Variants in LTBP1 observed in about 807,000 individuals in gnomAD.
LTBP1 encodes the protein latent transforming growth factor beta binding protein 1.
Under a neutral mutation model 207.6 loss-of-function variants are expected in LTBP1, and 129 were observed. The observed-to-expected ratio is 0.62, with a 90% CI of 0.54 to 0.72. LTBP1 has a LOEUF of 0.72. Among genes scored for constraint, LTBP1 ranks in the 30% least tolerant of loss-of-function variants. The pLI is 0.00. For missense variants in LTBP1, 2,281 were observed against 2,217.2 expected, an observed-to-expected ratio of 1.03 and a Z score of -0.58; for synonymous variants, 963 against 833.7, an observed-to-expected ratio of 1.16 and a Z score of -2.67.
chr2:33,235,038 A>G (rs1367138552), intron 9 of LTBP1, among the ~76,000 whole-genome samples: 2 of 152,240 alleles, frequency 1.3e-5, no homozygotes, highest in South Asian at 2.1e-4. Flanking sequence ...AAAAAAGCCA[A>G]AATTGACCAA....
chr2:33,395,288 C>G (rs1394911506), intron 32 of LTBP1, among the ~76,000 whole-genome samples: 1 of 152,112 alleles, frequency 6.6e-6, no homozygotes, highest in Non-Finnish European at 1.5e-5. Flanking sequence ...GATTCAAATC[C>G]CATGGTTCAT....
intron 7 of LTBP1, among the ~76,000 whole-genome samples, chr2:33,198,796 T>A (rs1164686308): frequency 6.6e-6 from 1 of 152,184 alleles, no homozygotes; most frequent in East Asian, 1.9e-4. Flanking sequence ...TCTTTTCTTC[T>A]TTATTAGTCT....
chr2:33,103,632 T>TGTG lies in LTBP1; in HGVS notation c.864-6950_864-6949insGTG, dbSNP rs200334066. On this transcript the variant is annotated intron_variant, in intron 3 of 33. Coordinates refer to ENST00000404816, the MANE Select transcript of LTBP1 (RefSeq NM_206943.4). ...GTGTGTGTGTGTGTGTGTGTGAGTG[T>TGTG]TATGCTGCCATGTGGCATCTTCCTA... 2.1e-4 allele frequency among the ~76,000 whole-genome samples: 32 copies of TGTG among 149,462 alleles called. 1 individual carries two copies. The highest frequency in any genetic ancestry group is 6.4e-4 in the South Asian group (3 of 4,716).
intron 27 of LTBP1, among the ~76,000 whole-genome samples, chr2:33,361,118 AATTG>A (rs1286489225): frequency 6.6e-6 from 1 of 152,220 alleles, no homozygotes; most frequent in Non-Finnish European, 1.5e-5. Flanking sequence ...GATTTCGTGT[AATTG>A]ATTCTTACTA....
At chr2:33,172,148 C>A (rs1330711760) in intron 5 of LTBP1, among the ~76,000 whole-genome samples, 1 of 152,162 alleles carries the variant, frequency 6.6e-6, no homozygotes, top group East Asian at 1.9e-4. Context: ...ATCAAATTCA[C>A]ACATAACAAT....
At chr2:33,313,388 A>C (rs2094214916) in intron 23 of LTBP1, among the ~76,000 whole-genome samples, 1 of 152,240 alleles carries the variant, frequency 6.6e-6, no homozygotes, top group Non-Finnish European at 1.5e-5. Flanking sequence ...AAGATCAACA[A>C]GTCAAAAAGA....
At chr2:33,306,978 C>T (rs535736312) in intron 22 of LTBP1, among the ~76,000 whole-genome samples, 23 of 152,250 alleles carry the variant, frequency 1.5e-4, no homozygotes, top group African/African-American at 5.3e-4. Context: ...GTCCCAGCTA[C>T]TTGGGAGGCT....
intron 9 of LTBP1, among the ~76,000 whole-genome samples, chr2:33,230,061 A>G (rs75801955): frequency 9.8e-5 from 15 of 152,332 alleles, no homozygotes; most frequent in Non-Finnish European, 1.8e-4. Context: ...CTCACATTAC[A>G]TATGTACATT....
At chr2:33,199,730 C>T (rs1280590249) in intron 7 of LTBP1, among the ~76,000 whole-genome samples, 31 of 152,220 alleles carry the variant, frequency 2.0e-4, no homozygotes, top group East Asian at 7.7e-4. Context: ...AAAACCCCAT[C>T]GTCTCAGCCC....
intron 2 of LTBP1, among the ~76,000 whole-genome samples, chr2:32,967,414 T>C: frequency 6.6e-6 from 1 of 152,168 alleles, no homozygotes. Context: ...GCTTAGATTA[T>C]TAATTTTAGA....
intron 4 of LTBP1, among the ~76,000 whole-genome samples, chr2:33,118,631 C>T (rs765495669): frequency 1.3e-5 from 2 of 152,206 alleles, no homozygotes; most frequent in Non-Finnish European, 2.9e-5. Flanking sequence ...CAGACTGACA[C>T]CTGAGAAGGC....
At chr2:33,153,877 G>A (rs1005128735) in intron 5 of LTBP1, among the ~76,000 whole-genome samples, 3 of 148,578 alleles carry the variant, frequency 2.0e-5, no homozygotes, top group African/African-American at 7.5e-5. Context: ...TCCCCAGAGC[G>A]GCATCATTGG....
At chr2:33,058,996 A>G (rs1248886815) in intron 3 of LTBP1, among the ~76,000 whole-genome samples, 1 of 152,196 alleles carries the variant, frequency 6.6e-6, no homozygotes, top group African/African-American at 2.4e-5. Context: ...TCACAGCCAT[A>G]CACATTTACT....
intron 31 of LTBP1, among the ~76,000 whole-genome samples, chr2:33,380,207 T>C (rs2095195885): frequency 6.6e-6 from 1 of 152,152 alleles, no homozygotes; most frequent in Non-Finnish European, 1.5e-5. Context: ...CATCTAGTGG[T>C]GATTACCTTA....
intron 4 of LTBP1, among the ~76,000 whole-genome samples, chr2:33,121,297 A>G (rs1384390183): frequency 6.6e-6 from 1 of 151,764 alleles, no homozygotes; most frequent in Non-Finnish European, 1.5e-5. Context: ...ACTGAATGAA[A>G]ATATTTTAAA....
At chr2:33,301,373 T>G in intron 21 of LTBP1, 149 bp from the exon 22 acceptor site, 13 of 881,228 alleles carry the variant, frequency 1.5e-5, no homozygotes, top group Non-Finnish European at 2.1e-5. Context: ...AAAAGTCTCC[T>G]GAGATAGTAT....
intron 17 of LTBP1, 83 bp downstream of exon 17, chr2:33,275,173 T>C (rs1453286914): frequency 1.3e-6 from 2 of 1,508,684 alleles, no homozygotes; most frequent in Non-Finnish European, 9.0e-7. Context: ...TCAGTGCTTA[T>C]CCAGACAACC....
At chr2:33,345,221 C>G (rs918519815) in intron 25 of LTBP1, among the ~76,000 whole-genome samples, 4 of 152,204 alleles carry the variant, frequency 2.6e-5, no homozygotes, top group African/African-American at 9.7e-5. Context: ...CATTTAAGGT[C>G]TGCTGTTCCA....
At chr2:33,099,545 A>G (rs2079589839) in intron 3 of LTBP1, among the ~76,000 whole-genome samples, 1 of 152,204 alleles carries the variant, frequency 6.6e-6, no homozygotes, top group South Asian at 2.1e-4. Flanking sequence ...GGAGGACTAT[A>G]GAGATATCTC....
Sources: allele counts gnomAD v4.1 joint callset (sites outside exome capture counted in the v4.1 genomes callset), GRCh38; gene constraint gnomAD v4.1.1; transcripts MANE v1.5; gene names NCBI Gene and HGNC (gene_info 2026-07-23, HGNC 2026-07-21).